The following AP3B1 variants were observed in gnomAD, a reference collection of about 807,000 sequenced individuals.
The protein encoded by AP3B1 is adaptor related protein complex 3 subunit beta 1, also known as AP-3 complex subunit beta-1.
AP3B1 carries 61 observed loss-of-function variants against 132.5 expected under a neutral mutation model. The observed-to-expected ratio is 0.46, with a 90% CI of 0.37 to 0.57. AP3B1 has a LOEUF of 0.57. Among genes scored for constraint, AP3B1 ranks in the 20% least tolerant of loss-of-function variants. The probability of loss-of-function intolerance (pLI) is 0.00; values close to 1 mark genes in which losing one functional copy is unlikely to be tolerated. For synonymous variants in AP3B1, 388 were observed against 438.3 expected, an observed-to-expected ratio of 0.89 and a Z score of 1.43; for missense variants, 1,120 against 1,289.4, an observed-to-expected ratio of 0.87 and a Z score of 2.01.
rs949028385 is a variant in AP3B1 at position 78,155,032 on chromosome 5, G to A, written c.1473+1226C>T. On this transcript the variant is annotated intron_variant, in intron 14 of 26. Coordinates refer to ENST00000255194, the MANE Select transcript of AP3B1 (RefSeq NM_003664.5). ...GCTTACAGATGTTCATCAGTCTCTG[G>A]GCATTGAAGTTAGGTATTTATTGTA... Among the ~76,000 whole-genome samples the A allele has an allele frequency of 3.3e-5, 5 of 150,820 alleles. No homozygotes were observed. The East Asian group carries it at 9.7e-4, about 29-fold the overall frequency.
chr5:78,193,770 A>ATATTTTTTTTTTTT, intron 7 of AP3B1, among the ~76,000 whole-genome samples: 6 of 67,214 alleles, frequency 8.9e-5, no homozygotes, highest in Admixed American at 1.8e-4. Flanking sequence ...ATATATATAT[A>ATATTTTTTTTTTTT]TTTTTTTTTT....
chr5:78,061,403 T>C (rs1269510897), intron 22 of AP3B1, among the ~76,000 whole-genome samples: 1 of 152,190 alleles, frequency 6.6e-6, no homozygotes, highest in East Asian at 1.9e-4. Context: ...AATAAAGCTA[T>C]GTAAAAATTT....
At chr5:78,042,837 C>T (rs1424535330) in intron 22 of AP3B1, 1 of 158,364 alleles carries the variant, frequency 6.3e-6, no homozygotes, top group Non-Finnish European at 1.4e-5. Context: ...GGGAGCCAAA[C>T]AAGGGATGAA....
chr5:78,138,801 T>A (rs555545584), intron 15 of AP3B1, among the ~76,000 whole-genome samples: 6 of 151,706 alleles, frequency 4.0e-5, no homozygotes, highest in African/African-American at 1.5e-4. Flanking sequence ...GTGAAACCTG[T>A]CTCTACTAAA....
chr5:78,199,769 GA>G (rs141472587), intron 7 of AP3B1, among the ~76,000 whole-genome samples: 7 of 151,842 alleles, frequency 4.6e-5, no homozygotes, highest in Admixed American at 2.0e-4. Context: ...CATAAAACAG[GA>G]AAAAAACTTA....
intron 16 of AP3B1, 84 bp downstream of exon 16, chr5:78,129,037 T>C: frequency 8.8e-7 from 1 of 1,139,778 alleles, no homozygotes; most frequent in Non-Finnish European, 1.3e-6. Context: ...TCCTAAGAGA[T>C]AAATTTTAAG....
At chr5:78,061,937 C>A (rs1025242492) in intron 22 of AP3B1, among the ~76,000 whole-genome samples, 1 of 152,320 alleles carries the variant, frequency 6.6e-6, no homozygotes, top group East Asian at 1.9e-4. Context: ...ATTGATGAAA[C>A]CAGCAGTCAC....
At chr5:78,024,541 C>T (rs989030564) in intron 24 of AP3B1, among the ~76,000 whole-genome samples, 3 of 150,862 alleles carry the variant, frequency 2.0e-5, no homozygotes, top group Admixed American at 6.6e-5. Context: ...AGGCACATGC[C>T]ACCATGCCTA....
chr5:78,147,360 CTTGA>C (rs1439110344), intron 14 of AP3B1, among the ~76,000 whole-genome samples: 2 of 151,936 alleles, frequency 1.3e-5, no homozygotes, highest in Admixed American at 6.5e-5. Context: ...ACTTTTATCA[CTTGA>C]TTAAGGTGCT....
chr5:78,181,318 A>C (rs2112413641), intron 8 of AP3B1, among the ~76,000 whole-genome samples, 189 bp downstream of exon 8: 1 of 152,234 alleles, frequency 6.6e-6, no homozygotes, highest in Non-Finnish European at 1.5e-5. Flanking sequence ...ATTACTTCTC[A>C]GACATTAGGT....
intron 22 of AP3B1, among the ~76,000 whole-genome samples, chr5:78,039,697 GA>G (rs1747972493): frequency 6.7e-6 from 1 of 148,856 alleles, no homozygotes. Flanking sequence ...AGAATGGCGT[GA>G]ACCCAGGAGG....
intron 6 of AP3B1, among the ~76,000 whole-genome samples, chr5:78,223,725 G>A (rs1313998026): frequency 6.6e-6 from 1 of 152,098 alleles, no homozygotes; most frequent in Non-Finnish European, 1.5e-5. Flanking sequence ...GACACAAACA[G>A]CAAATTTATA....
At chr5:78,012,674 G>A (rs2112047193) in intron 26 of AP3B1, among the ~76,000 whole-genome samples, 1 of 152,326 alleles carries the variant, frequency 6.6e-6, no homozygotes, top group South Asian at 2.1e-4. Flanking sequence ...CCCTCCCCCA[G>A]GTTACAGAGC....
intron 1 of AP3B1, among the ~76,000 whole-genome samples, chr5:78,281,145 C>A (rs559838240): frequency 8.5e-5 from 13 of 152,244 alleles, no homozygotes; most frequent in Middle Eastern, 3.4e-3. Flanking sequence ...CACTTAAAAA[C>A]AATTCTCGGC....
chr5:78,137,790 G>A (rs2112319382), intron 15 of AP3B1, among the ~76,000 whole-genome samples: 1 of 152,088 alleles, frequency 6.6e-6, no homozygotes, highest in Admixed American at 6.6e-5. Context: ...AAAATAGTTT[G>A]AGGCAGATAA....
At position 78,247,822 on chromosome 5, in the gene AP3B1, T is replaced by A. The variant is rs1374550015; in HGVS notation, c.205-6886A>T. On this transcript the variant is annotated intron_variant, in intron 2 of 26. Coordinates refer to ENST00000255194, the MANE Select transcript of AP3B1 (RefSeq NM_003664.5). ...TATTGGTAATGTCAGACCACTTACA[T>A]GTAATAGAATTATTAACATGGTTAG... is the stretch of plus-strand genomic sequence containing the variant. 2.6e-5 allele frequency among the ~76,000 whole-genome samples: 4 copies of A among 152,216 alleles called. No homozygotes were observed. In the East Asian group the frequency reaches 7.7e-4, roughly 29 times the overall value.
intron 7 of AP3B1, among the ~76,000 whole-genome samples, chr5:78,196,228 C>T (rs1233176788): frequency 6.6e-6 from 1 of 152,086 alleles, no homozygotes; most frequent in Admixed American, 6.6e-5. Context: ...TGAAGAGATA[C>T]CTCACCAAAA....
intron 6 of AP3B1, among the ~76,000 whole-genome samples, chr5:78,223,945 T>C (rs1460874212): frequency 1.3e-5 from 2 of 152,180 alleles, no homozygotes; most frequent in Admixed American, 6.5e-5. Context: ...GAATTTCTCT[T>C]AGTCTATAAT....
intron 21 of AP3B1, among the ~76,000 whole-genome samples, chr5:78,097,875 T>C (rs1169491128): frequency 6.6e-6 from 1 of 152,196 alleles, no homozygotes; most frequent in Admixed American, 6.5e-5. Context: ...AATCGGATGG[T>C]TGCGGTGTCT....
Sources: allele counts gnomAD v4.1 joint callset (sites outside exome capture counted in the v4.1 genomes callset), GRCh38; gene constraint gnomAD v4.1.1; transcripts MANE v1.5; gene names NCBI Gene and HGNC (gene_info 2026-07-23, HGNC 2026-07-21).